The following SDCBP2 variants were observed in gnomAD, a reference collection of about 807,000 sequenced individuals.
SDCBP2 encodes the protein syndecan binding protein 2.
A neutral mutation model predicts 30.7 loss-of-function variants in SDCBP2; 28 were observed. That is an observed-to-expected ratio of 0.91 (90% CI 0.68 to 1.25). The LOEUF (loss-of-function observed/expected upper bound fraction) is 1.25, where lower values mean the gene tolerates loss of function less well. SDCBP2 is among the 50% of genes most tolerant of loss of function. The probability of loss-of-function intolerance (pLI) is 0.00; values close to 1 mark genes in which losing one functional copy is unlikely to be tolerated. For synonymous variants in SDCBP2, 166 were observed against 157.3 expected (o/e 1.06, Z -0.41); for missense variants, 399 against 379.0 (o/e 1.05, Z -0.44).
At chr20:1,317,988 A>G (rs1208000997) in intron 4 of SDCBP2, 1 of 383,078 alleles carries the variant, frequency 2.6e-6, no homozygotes, top group East Asian at 6.6e-5. Flanking sequence ...GGCTCTGTTT[A>G]TCCATGCAGG....
At chr20:1,312,952 C>A (rs527813915) in intron 5 of SDCBP2, 190 bp from the exon 6 acceptor site, 32 of 637,674 alleles carry the variant, frequency 5.0e-5, no homozygotes, top group Middle Eastern at 4.3e-4. Context: ...AGTTAGGAAG[C>A]AGGTGAGTCA....
At chr20:1,328,281 A>G (rs1187040761) in intron 1 of SDCBP2, among the ~76,000 whole-genome samples, 1 of 152,154 alleles carries the variant, frequency 6.6e-6, no homozygotes, top group African/African-American at 2.4e-5. Context: ...GATGGGAGCC[A>G]CTGGGGGATT....
chr20:1,310,590 G>T, intron 8 of SDCBP2, 95 bp from the exon 9 acceptor site: 1 of 1,234,708 alleles, frequency 8.1e-7, no homozygotes, highest in Non-Finnish European at 1.2e-6. Flanking sequence ...TCCCATGTGG[G>T]CCTTCACTCC....
At chr20:1,325,901 T>A (rs1186500866) in intron 1 of SDCBP2, 1 of 152,176 alleles carries the variant, frequency 6.6e-6, no homozygotes, top group East Asian at 1.9e-4. Context: ...CTACGCAGAT[T>A]CACCCCGCGT....
In SDCBP2 at chr20:1,313,203, G is replaced by A; in HGVS notation, c.384+137C>T. On this transcript the variant is annotated intron_variant, in intron 5 of 8. Coordinates refer to ENST00000360779, the MANE Select transcript of SDCBP2 (RefSeq NM_080489.5). This position sits in a 1 kb window ranked among gnomAD's most constrained non-coding sequence, Gnocchi z 5.2. Reference sequence around the variant, plus strand: ...CGGGTCTCGGGGAGGAGGGACTGGGGGCAAGAGCCTGGCCGCTGGGGTTAG... The same window carrying A: ...CGGGTCTCGGGGAGGAGGGACTGGGAGCAAGAGCCTGGCCGCTGGGGTTAG... 2.2e-6 allele frequency: 2 copies of A among 925,448 alleles called. No homozygotes were observed. Among genetic ancestry groups the A allele is most frequent in the Non-Finnish European group, 3.3e-6 (2 of 609,312 alleles). The allele number at this position is 925,448 out of a possible 1,614,324, so 57.3% of individuals were successfully genotyped here. A position where few individuals can be genotyped will look rare whatever the true frequency, so the allele number is the denominator to read the frequency against.
At position 1,320,521 on chromosome 20, in the gene SDCBP2, G is replaced by T. The variant is rs1312946350; in HGVS notation, c.-19-86C>A. 2 of 1,055,864 alleles carry T rather than the reference G, an allele frequency of 1.9e-6. No individual in the cohort carries two copies. The highest frequency in any genetic ancestry group is 2.8e-6 in the Non-Finnish European group (2 of 706,556). The allele number at this position is 1,055,864 out of a possible 1,614,324, so 65.4% of individuals were successfully genotyped here. A position where few individuals can be genotyped will look rare whatever the true frequency, so the allele number is the denominator to read the frequency against. On this transcript the variant is annotated intron_variant, in intron 1 of 8. Transcript: ENST00000360779. This position sits in a 1 kb window ranked among gnomAD's most constrained non-coding sequence, Gnocchi z 4.7. ...CACAGACATCCGCAACAGCAAGCGG[G>T]TTGGAACTTAATATTCAAACAGAAA...
chr20:1,320,214 G>A lies in SDCBP2; in HGVS notation c.54+149C>T. The A allele has an allele frequency of 1.4e-6, 1 of 690,452 alleles. No individual in the cohort carries two copies. The highest frequency in any genetic ancestry group is 1.8e-5 in the South Asian group (1 of 54,564). The allele number at this position is 690,452 out of a possible 1,614,324, so 42.8% of individuals were successfully genotyped here. On this transcript the variant is annotated intron_variant, in intron 2 of 8. Transcript: ENST00000360779. This position sits in a 1 kb window ranked among gnomAD's most constrained non-coding sequence, Gnocchi z 4.7. ...ACGCCATTGGCATTGCCCCCTGGAT[G>A]TCTTCTCTGCCCAGCAGGCCCTGCA...
rs1328127856 is a variant in SDCBP2, at chr20:1,318,353, G to A, written c.190C>T (p.Gln64Ter). ...TCTGGAATCTGAAGCAGGCTCTCCT[G>A]GACTTCTTGGCTGGAGAGGGAAAGA... ...MGLSLSSQEV[Q>*]ESLLQIPEGD... The change falls in exon 4 of 9, where the codon CAG becomes TAG. Residue 64 changes from glutamine to a stop codon, truncating the protein, a stop_gained. Transcript: ENST00000360779. LOFTEE classifies it high-confidence loss of function. 1 of 1,613,640 alleles carries A rather than the reference G, an allele frequency of 6.2e-7. No homozygotes were observed. Among genetic ancestry groups the A allele is most frequent in the Non-Finnish European group, 8.5e-7 (1 of 1,179,776 alleles).
intron 4 of SDCBP2, among the ~76,000 whole-genome samples, chr20:1,314,488 C>CAAAAAAAAAAA (rs57936330): frequency 7.4e-5 from 4 of 53,952 alleles, no homozygotes; most frequent in Non-Finnish European, 9.2e-5. Context: ...GACTCCACCT[C>CAAAAAAAAAAA]AAAAAAAAAA....
chr20:1,311,641 G>A (rs1384330871), intron 7 of SDCBP2, among the ~76,000 whole-genome samples: 1 of 152,166 alleles, frequency 6.6e-6, no homozygotes, highest in Non-Finnish European at 1.5e-5. Flanking sequence ...ATGGCCACAG[G>A]TGGAAATAAA....
Position 1,313,605 on chromosome 20 carries a change from C to G in SDCBP2, c.226-107G>C. ...GGGGAAAGGAGGATGGAGCCGTCCC[C>G]GGGTCCCCCCACGTCCCCAGTCCAC... On this transcript the variant is annotated intron_variant, in intron 4 of 8. Transcript: ENST00000360779. This position sits in a 1 kb window ranked among gnomAD's most constrained non-coding sequence, Gnocchi z 5.2. The G allele has an allele frequency of 4.2e-6, 6 of 1,429,626 alleles. No homozygotes were observed. The highest frequency in any genetic ancestry group is 5.5e-6 in the Non-Finnish European group (6 of 1,093,568). The allele number at this position is 1,429,626 out of a possible 1,614,324, so 88.6% of individuals were successfully genotyped here.
intron 5 of SDCBP2, 154 bp from the exon 6 acceptor site, chr20:1,312,916 CGG>C (rs2088701331): frequency 2.5e-6 from 2 of 799,746 alleles, no homozygotes; most frequent in South Asian, 3.7e-5. Flanking sequence ...CCCCATTTAC[CGG>C]GGAGGAAACA....
chr20:1,319,590 C>T lies in SDCBP2; in HGVS notation c.124G>A (p.Val42Ile), dbSNP rs767954659. Residue 42 changes from valine (V) to isoleucine (I), a missense_variant and splice_region_variant, in exon 3 of 9, where the codon GTT (valine) becomes ATT (isoleucine). By Grantham distance (29) the Val-to-Ile change is conservative. Coordinates refer to ENST00000360779, the MANE Select transcript of SDCBP2 (RefSeq NM_080489.5). The part of the protein sequence containing the change: ...VQATAISPPP[V>I]LYPNLAELEN... ...GAGCCCCTCATCCCAGCCCACTCAC[C>T]TGGTGGTGGGGAAATGGCTGTTGCC... The T allele has an allele frequency of 1.9e-5, 30 of 1,566,422 alleles. No individual in the cohort carries two copies. The highest frequency in any genetic ancestry group is 2.6e-5 in the Non-Finnish European group (30 of 1,154,346).
Position 1,318,427 on chromosome 20 carries a change from G to A in SDCBP2, c.125-9C>T. On this transcript the variant is annotated splice_polypyrimidine_tract_variant and intron_variant, in intron 3 of 8. Coordinates refer to ENST00000360779, the MANE Select transcript of SDCBP2 (RefSeq NM_080489.5). ...CAAGTTTGGGTACAAAACTGATAGG[G>A]AAAGAAGGAAGAATAAATGTGTCAT... 6 of 1,546,368 alleles carry A rather than the reference G, an allele frequency of 3.9e-6. No individual in the cohort carries two copies. The highest frequency in any genetic ancestry group is 5.3e-6 in the Non-Finnish European group (6 of 1,128,874).
chr20:1,318,923 T>C (rs2088816933), intron 3 of SDCBP2, among the ~76,000 whole-genome samples: 1 of 152,206 alleles, frequency 6.6e-6, no homozygotes, highest in African/African-American at 2.4e-5. Context: ...AGAAACTGAA[T>C]TGGCCAGAAC....
At position 1,313,610 on chromosome 20, in the gene SDCBP2, C is replaced by A. The variant is rs1041761148; in HGVS notation, c.226-112G>T. The A allele has an allele frequency of 2.1e-6, 3 of 1,423,838 alleles. No homozygotes were observed. The highest frequency in any genetic ancestry group is 2.7e-6 in the Non-Finnish European group (3 of 1,091,334). 88.2% of individuals were successfully genotyped at this position (1,423,838 alleles called of 1,614,324 possible). On this transcript the variant is annotated intron_variant, in intron 4 of 8. Coordinates refer to ENST00000360779, the MANE Select transcript of SDCBP2 (RefSeq NM_080489.5). The surrounding 1 kb of genome is among the most constrained non-coding windows in gnomAD (Gnocchi z 5.2). ...AAGGAGGATGGAGCCGTCCCCGGGT[C>A]CCCCCACGTCCCCAGTCCACGCTTC...
At chr20:1,328,221 C>T (rs2088958697) in intron 1 of SDCBP2, among the ~76,000 whole-genome samples, 1 of 151,992 alleles carries the variant, frequency 6.6e-6, no homozygotes, top group African/African-American at 2.4e-5. Context: ...GGGGCCAGAT[C>T]CTGGAGGGCC....
At chr20:1,310,560 C>T in intron 8 of SDCBP2, 65 bp from the exon 9 acceptor site, 3 of 1,498,578 alleles carry the variant, frequency 2.0e-6, no homozygotes, top group Non-Finnish European at 2.7e-6. Context: ...GCAACCTCCA[C>T]CCCCTTCCGA....
At chr20:1,311,053 T>A (rs1160551773) in intron 7 of SDCBP2, 162 bp from the exon 8 acceptor site, 1 of 564,330 alleles carries the variant, frequency 1.8e-6, no homozygotes, top group African/African-American at 1.9e-5. Context: ...CAGATGAGGG[T>A]CCCAGCAGAC....
Sources: allele counts gnomAD v4.1 joint callset (sites outside exome capture counted in the v4.1 genomes callset), GRCh38; gene constraint gnomAD v4.1.1; non-coding constraint Gnocchi (gnomAD v3.1); transcripts MANE v1.5; gene names NCBI Gene and HGNC (gene_info 2026-07-23, HGNC 2026-07-21).